Variants in ROBO2 observed in about 807,000 individuals in gnomAD.
ROBO2 encodes the protein roundabout guidance receptor 2.
In ROBO2, 53 loss-of-function variants were observed where a neutral mutation model predicts 160.8. The ratio of observed to expected loss-of-function variants is 0.33; its 90% CI spans 0.26 to 0.41. The LOEUF (loss-of-function observed/expected upper bound fraction) is 0.41. ROBO2 is among the 10% of genes least tolerant of loss of function. The pLI, the probability that ROBO2 is intolerant of heterozygous loss-of-function variation, is 1.00. For missense variants in ROBO2, 1,577 were observed against 1,722.4 expected (o/e 0.92, Z 1.49); for synonymous variants, 664 against 611.7 (o/e 1.09, Z -1.26).
chr3:76,469,407 A>AG (rs1448952940), intron 2 of ROBO2, among the ~76,000 whole-genome samples: 6 of 152,064 alleles, frequency 3.9e-5, no homozygotes, highest in South Asian at 2.1e-4. Flanking sequence ...TACAGTGGTG[A>AG]GAAAAATTGG....
At chr3:76,736,669 A>G (rs910621394) in intron 2 of ROBO2, among the ~76,000 whole-genome samples, 2 of 152,230 alleles carry the variant, frequency 1.3e-5, no homozygotes, top group Non-Finnish European at 2.9e-5. Context: ...TCATCTTTTA[A>G]TATAAACTGG....
rs576200087 is a variant in ROBO2, at chr3:76,878,337, A to C, written c.110-219677A>C. On this transcript the variant is annotated intron_variant, in intron 2 of 26. Coordinates refer to the ROBO2 transcript ENST00000487694. The stretch of plus-strand genomic sequence containing the variant: ...TGTTAAATGAAATGAAATAAAGACA[A>C]ACAAAAAAATGACACAAGGTGCTTT... Among the ~76,000 whole-genome samples, 4 of 152,282 alleles carry C rather than the reference A, an allele frequency of 2.6e-5. No homozygotes were observed. The South Asian group carries it at 8.3e-4, about 32-fold the overall frequency.
Position 76,038,765 on chromosome 3 carries a change from TGC to T in ROBO2, c.109+101165_109+101166del, listed in dbSNP as rs1249207540. On this transcript the variant is annotated intron_variant, in intron 2 of 26. Coordinates refer to the ROBO2 transcript ENST00000487694. Reference sequence around the variant, plus strand: ...ACCCAACTGGTAGCACATGGAAAACTGCGTGTGTGTGTGTGTGTGTGTGTGTA... The same window carrying T: ...ACCCAACTGGTAGCACATGGAAAACTGTGTGTGTGTGTGTGTGTGTGTGTA... 1.2e-4 allele frequency among the ~76,000 whole-genome samples: 11 copies of T among 88,178 alleles called. No homozygotes were observed. In the East Asian group the frequency reaches 3.3e-3, roughly 26 times the overall value. The allele number at this position is 88,178 out of a possible 152,430, so 57.8% of individuals were successfully genotyped here.
chr3:76,117,660 C>A (rs1446822271), intron 2 of ROBO2, among the ~76,000 whole-genome samples: 8 of 152,098 alleles, frequency 5.3e-5, no homozygotes, highest in African/African-American at 1.9e-4. Context: ...TAATAGTCAT[C>A]ATTTAACAAA....
chr3:76,536,130 G>A (rs963765320), intron 2 of ROBO2, among the ~76,000 whole-genome samples: 2 of 152,202 alleles, frequency 1.3e-5, no homozygotes, highest in African/African-American at 2.4e-5. Context: ...TGGGAGAGGA[G>A]GTCCTGAAGG....
intron 2 of ROBO2, among the ~76,000 whole-genome samples, chr3:77,389,389 C>T (rs2074475345): frequency 1.3e-5 from 2 of 152,014 alleles, no homozygotes; most frequent in African/African-American, 4.8e-5. Flanking sequence ...CACATTTTAA[C>T]TGTTCAGTAG....
intron 2 of ROBO2, among the ~76,000 whole-genome samples, chr3:76,881,675 A>T (rs1031929528): frequency 2.0e-5 from 3 of 152,240 alleles, no homozygotes; most frequent in Non-Finnish European, 4.4e-5. Flanking sequence ...GAAAATCTAC[A>T]TGCAAATAAA....
At position 77,436,665 on chromosome 3, in the gene ROBO2, G is replaced by T. The variant is rs1256593274; in HGVS notation, c.389-40749G>T. Among the ~76,000 whole-genome samples, 15 of 151,810 alleles carry T rather than the reference G, an allele frequency of 9.9e-5. 1 individual carries two copies. Among genetic ancestry groups the T allele is most frequent in the Admixed American group, 9.9e-4 (15 of 15,210 alleles). On this transcript the variant is annotated intron_variant, in intron 2 of 25. Transcript: ENST00000461745. ...AAAAAGAACATAGAAACTAATTTAT[G>T]TGTAGAGATACTGGATTTCAGAATA...
chr3:76,216,752 G>A (rs1405960508), intron 2 of ROBO2, among the ~76,000 whole-genome samples: 37 of 152,180 alleles, frequency 2.4e-4, no homozygotes, highest in African/African-American at 8.4e-4. Context: ...ACAGCTCAAC[G>A]AGACAGAAAG....
At chr3:76,754,705 G>A (rs187604609) in intron 2 of ROBO2, among the ~76,000 whole-genome samples, 14 of 151,886 alleles carry the variant, frequency 9.2e-5, no homozygotes, top group Admixed American at 3.3e-4. Context: ...ATGCATAGAC[G>A]CCTCAAGGTT....
chr3:77,117,980 G>T (rs2074373815), intron 2 of ROBO2, among the ~76,000 whole-genome samples: 1 of 152,124 alleles, frequency 6.6e-6, no homozygotes, highest in African/African-American at 2.4e-5. Flanking sequence ...TGAGCTCTTT[G>T]ACATTGCAGT....
intron 2 of ROBO2, among the ~76,000 whole-genome samples, chr3:76,805,671 C>CGT (rs71673124): frequency 0.025 from 3,638 of 146,270 alleles, 122 homozygotes; most frequent in African/African-American, 0.079. Flanking sequence ...TATTGGAATA[C>CGT]GTGTGTGTGT....
At chr3:76,196,614 C>T (rs576632020) in intron 2 of ROBO2, among the ~76,000 whole-genome samples, 8 of 152,024 alleles carry the variant, frequency 5.3e-5, no homozygotes, top group Admixed American at 2.6e-4. Context: ...AACTATAATT[C>T]GCTTAATGTC....
At chr3:77,495,287 T>C (rs565604194) in intron 5 of ROBO2, among the ~76,000 whole-genome samples, 13 of 152,322 alleles carry the variant, frequency 8.5e-5, no homozygotes, top group Non-Finnish European at 1.5e-4. Flanking sequence ...TTTTGATTTA[T>C]AGGAAAGTTA....
chr3:76,546,400 T>A (rs1445317966), intron 2 of ROBO2, among the ~76,000 whole-genome samples: 1 of 151,880 alleles, frequency 6.6e-6, no homozygotes, highest in African/African-American at 2.4e-5. Flanking sequence ...TATGTCTTAA[T>A]CCTTAGAACC....
chr3:77,096,831 TG>T (rs1237410023), intron 1 of ROBO2, among the ~76,000 whole-genome samples: 4 of 152,220 alleles, frequency 2.6e-5, no homozygotes, highest in Admixed American at 6.5e-5. Context: ...TATCTTTCTT[TG>T]TACTGTGCAT....
intron 15 of ROBO2, among the ~76,000 whole-genome samples, chr3:77,579,400 C>G (rs747393084): frequency 6.6e-6 from 1 of 152,068 alleles, no homozygotes; most frequent in Non-Finnish European, 1.5e-5. Context: ...TAGTCAATAC[C>G]TATAACTTAG....
intron 2 of ROBO2, among the ~76,000 whole-genome samples, chr3:75,937,844 TA>T (rs1947862407): frequency 8.8e-5 from 3 of 33,982 alleles, no homozygotes; most frequent in South Asian, 1.7e-3. Context: ...ATTGATTTTA[TA>T]TATATATATA....
chr3:77,401,836 C>T (rs1486023977), intron 2 of ROBO2, among the ~76,000 whole-genome samples: 1 of 152,126 alleles, frequency 6.6e-6, no homozygotes, highest in Non-Finnish European at 1.5e-5. Context: ...CTTGAGGAAT[C>T]ACCACACTGT....
Sources: gnomAD v4.1 joint callset for allele counts (sites outside exome capture counted in the v4.1 genomes callset) on GRCh38, gnomAD v4.1.1 for gene constraint, MANE v1.5 for transcripts, NCBI Gene and HGNC (gene_info 2026-07-23, HGNC 2026-07-21) for gene names.